CACNB4: variants seen among roughly 807,000 people sequenced by gnomAD.
CACNB4 encodes voltage-dependent L-type calcium channel subunit beta-4.
In CACNB4, 32 loss-of-function variants were observed where a neutral mutation model predicts 71.2. The observed-to-expected ratio is 0.45, with a 90% CI of 0.34 to 0.60. CACNB4 has a LOEUF of 0.60. CACNB4 is among the 20% of genes least tolerant of loss of function. The probability of loss-of-function intolerance (pLI) is 0.01; values close to 1 mark genes in which losing one functional copy is unlikely to be tolerated. For synonymous variants in CACNB4, 231 were observed against 236.9 expected (o/e 0.97, Z 0.23); for missense variants, 464 against 647.9 (o/e 0.72, Z 3.08).
intron 2 of CACNB4, among the ~76,000 whole-genome samples, chr2:151,956,311 A>T (rs999041120): frequency 6.6e-6 from 1 of 152,268 alleles, no homozygotes; most frequent in Non-Finnish European, 1.5e-5. Context: ...CCATCAATGG[A>T]TGAATGGATA....
chr2:152,078,252 T>C (rs144035137), intron 2 of CACNB4, among the ~76,000 whole-genome samples: 3 of 152,330 alleles, frequency 2.0e-5, no homozygotes, highest in African/African-American at 7.2e-5. Context: ...TCAGGGTCCC[T>C]GGAGATGCCT....
At chr2:152,017,592 C>A (rs535049462) in intron 2 of CACNB4, among the ~76,000 whole-genome samples, 39 of 151,934 alleles carry the variant, frequency 2.6e-4, no homozygotes, top group African/African-American at 9.4e-4. Context: ...CCTGTAGTCC[C>A]AGCTACTTGG....
chr2:151,930,272 T>C (rs1197831820), intron 2 of CACNB4, among the ~76,000 whole-genome samples: 2 of 152,148 alleles, frequency 1.3e-5, no homozygotes, highest in East Asian at 1.9e-4. Flanking sequence ...AGATTAATGA[T>C]AGATGTTGCA....
chr2:151,855,656 A>C (rs890529294), intron 10 of CACNB4, among the ~76,000 whole-genome samples: 1 of 152,186 alleles, frequency 6.6e-6, no homozygotes, highest in African/African-American at 2.4e-5. Flanking sequence ...TGATTATTTT[A>C]TGTTGTTTTT....
intron 2 of CACNB4, among the ~76,000 whole-genome samples, chr2:151,895,846 C>CT (rs11446492): frequency 0.98 from 138,214 of 140,344 alleles, 68,076 homozygotes; most frequent in East Asian, 1. Context: ...TAATTGTGTA[C>CT]TTTTTTTTTT....
chr2:151,973,576 G>T, intron 2 of CACNB4: 1 of 1,161,674 alleles, frequency 8.6e-7, no homozygotes, highest in Non-Finnish European at 1.3e-6. Context: ...TGTTCCCTGC[G>T]TTGCCTAAGA....
intron 2 of CACNB4, among the ~76,000 whole-genome samples, chr2:151,976,305 C>T (rs1478117542): frequency 1.3e-5 from 2 of 152,138 alleles, no homozygotes; most frequent in Non-Finnish European, 2.9e-5. Context: ...TTAGTGCCTA[C>T]AAAGGTTCAA....
chr2:151,862,596 C>T (rs2151381137), intron 9 of CACNB4, among the ~76,000 whole-genome samples: 1 of 152,302 alleles, frequency 6.6e-6, no homozygotes, highest in African/African-American at 2.4e-5. Context: ...TCCTCAGTGC[C>T]AGGTAAACAT....
intron 2 of CACNB4, among the ~76,000 whole-genome samples, chr2:151,946,056 C>G (rs554206352): frequency 6.6e-6 from 1 of 151,964 alleles, no homozygotes; most frequent in Non-Finnish European, 1.5e-5. Flanking sequence ...AGGCCAGGTG[C>G]GGTGGCTCAC....
intron 2 of CACNB4, among the ~76,000 whole-genome samples, chr2:152,000,687 C>G (rs1682342229): frequency 6.6e-6 from 1 of 152,166 alleles, no homozygotes; most frequent in South Asian, 2.1e-4. Flanking sequence ...TGAAAGGAAT[C>G]CTTAACTCCC....
At chr2:151,977,723 T>C (rs1239333797) in intron 2 of CACNB4, among the ~76,000 whole-genome samples, 1 of 152,218 alleles carries the variant, frequency 6.6e-6, no homozygotes, top group Non-Finnish European at 1.5e-5. Flanking sequence ...TCCACCTAAA[T>C]TTCTCGGGAA....
Position 152,098,179 on chromosome 2 carries a change from G to T in CACNB4, c.147+151C>A. ...TCAAGAGCCCAGGCTAGAGGGAGAGGGACTGAGCCCGAGCACCGGCCGAGG... is the reference window on the plus strand; with the variant it reads ...TCAAGAGCCCAGGCTAGAGGGAGAGTGACTGAGCCCGAGCACCGGCCGAGG... On this transcript the variant is annotated intron_variant, in intron 2 of 13. Coordinates refer to ENST00000539935, the MANE Select transcript of CACNB4 (RefSeq NM_000726.5). This position sits in a 1 kb window ranked among gnomAD's most constrained non-coding sequence, Gnocchi z 5.3. 1 of 618,368 alleles carries T rather than the reference G, an allele frequency of 1.6e-6. No homozygotes were observed. Among genetic ancestry groups the T allele is most frequent in the South Asian group, 1.9e-5 (1 of 52,180 alleles). 38.3% of individuals were successfully genotyped at this position (618,368 alleles called of 1,614,324 possible). A position where few individuals can be genotyped will look rare whatever the true frequency, so the allele number is the denominator to read the frequency against.
chr2:152,029,529 AAAGAAAAGAAAG>A (rs1279496289), intron 2 of CACNB4, among the ~76,000 whole-genome samples: 2 of 150,802 alleles, frequency 1.3e-5, no homozygotes, highest in African/African-American at 4.9e-5. Flanking sequence ...AAAGAAAAGA[AAAGAAAAGAAAG>A]AGCCCAGAGT....
chr2:152,095,633 T>C (rs1302708879), intron 2 of CACNB4, among the ~76,000 whole-genome samples: 2 of 152,184 alleles, frequency 1.3e-5, no homozygotes, highest in Admixed American at 1.3e-4. Flanking sequence ...CTGGTCATTC[T>C]ACAAATAATG....
chr2:152,099,164 G>T (rs1688456568), upstream of CACNB4: 2 of 524,472 alleles, frequency 3.8e-6, no homozygotes, highest in Non-Finnish European at 6.6e-6. Flanking sequence ...GCACTTCGGA[G>T]AGCGCGGCAC....
At chr2:151,953,817 G>C (rs1429528179) in intron 2 of CACNB4, among the ~76,000 whole-genome samples, 5 of 152,170 alleles carry the variant, frequency 3.3e-5, no homozygotes, top group Non-Finnish European at 5.9e-5. Flanking sequence ...AGGTACTTGT[G>C]AACTTTTCAT....
chr2:152,080,852 G>A (rs965237143), intron 2 of CACNB4, among the ~76,000 whole-genome samples: 5 of 152,064 alleles, frequency 3.3e-5, no homozygotes, highest in African/African-American at 1.2e-4. Flanking sequence ...GTTCATGCGA[G>A]ATCTGGTTTT....
chr2:151,940,309 C>G (rs1443847930), intron 2 of CACNB4, among the ~76,000 whole-genome samples: 1 of 152,110 alleles, frequency 6.6e-6, no homozygotes. Context: ...GAATCTCCCC[C>G]AAAGAGGAAC....
chr2:151,925,592 G>C (rs2151585861), intron 2 of CACNB4, among the ~76,000 whole-genome samples: 1 of 151,864 alleles, frequency 6.6e-6, no homozygotes, highest in East Asian at 1.9e-4. Flanking sequence ...AATTTTGTTT[G>C]GCAACTGTGC....
Sources: allele counts gnomAD v4.1 joint callset (sites outside exome capture counted in the v4.1 genomes callset), GRCh38; gene constraint gnomAD v4.1.1; non-coding constraint Gnocchi (gnomAD v3.1); transcripts MANE v1.5; gene names NCBI Gene and HGNC (gene_info 2026-07-23, HGNC 2026-07-21).